Variants in SSH2 observed in about 807,000 individuals in gnomAD.
SSH2 encodes the protein protein phosphatase Slingshot homolog 2.
SSH2 carries 37 observed loss-of-function variants against 135.2 expected under a neutral mutation model. The ratio of observed to expected loss-of-function variants is 0.27; its 90% confidence interval spans 0.21 to 0.36. The LOEUF (loss-of-function observed/expected upper bound fraction) is 0.36, where lower values mean the gene tolerates loss of function less well. SSH2 is among the 10% of genes least tolerant of loss of function. The pLI is 1.00. For synonymous variants in SSH2, 628 were observed against 646.2 expected, an observed-to-expected ratio of 0.97 and a Z score of 0.43; for missense variants, 1,408 against 1,765.3, an observed-to-expected ratio of 0.80 and a Z score of 3.63.
rs1046713608 is a variant in SSH2 at position 29,690,933 on chromosome 17, C to A, written c.357+4526G>T. Among the ~76,000 whole-genome samples the A allele has an allele frequency of 3.3e-5, 5 of 151,518 alleles. No individual in the cohort carries two copies. In the East Asian group the frequency reaches 7.7e-4, roughly 23 times the overall value. On this transcript the variant is annotated intron_variant, in intron 5 of 15. Coordinates refer to ENST00000540801, the MANE Select transcript of SSH2 (RefSeq NM_001282129.2). ...CTCACTCTTTACACACACACACACA[C>A]AGACACACACACACACATAGACACA... is the stretch of plus-strand genomic sequence containing the variant.
At chr17:29,700,963 A>ATTTTTTTC (rs932006159) in intron 4 of SSH2, among the ~76,000 whole-genome samples, 1 of 145,714 alleles carries the variant, frequency 6.9e-6, no homozygotes, top group Non-Finnish European at 1.5e-5. Flanking sequence ...TAATTTTTGT[A>ATTTTTTTC]TTTTTTTCTT....
intron 1 of SSH2, among the ~76,000 whole-genome samples, chr17:29,859,610 A>G (rs1051596923): frequency 5.3e-5 from 8 of 152,178 alleles, no homozygotes; most frequent in Admixed American, 2.6e-4. Context: ...ATGTTCCTGC[A>G]AAGGACATAA....
intron 9 of SSH2, among the ~76,000 whole-genome samples, chr17:29,671,302 AC>A (rs1437123775): frequency 6.6e-6 from 1 of 152,112 alleles, no homozygotes; most frequent in African/African-American, 2.4e-5. Flanking sequence ...ACATAGTGAG[AC>A]CCTATCTCTA....
In SSH2 at chr17:29,627,592, A is replaced by G. The variant is rs2035535806; in HGVS notation, c.*3249T>C. 1 of 152,642 alleles carries G rather than the reference A, an allele frequency of 6.6e-6. No homozygotes were observed. Among genetic ancestry groups the G allele is most frequent in the East Asian group, 1.9e-4 (1 of 5,204 alleles). The allele number at this position is 152,642 out of a possible 1,614,324, so 9.5% of individuals were successfully genotyped here. A position where few individuals can be genotyped will look rare whatever the true frequency, so the allele number is the denominator to read the frequency against. ...CCATAACCCTGTCTCAAGCCTCCTCAGAACCAGGAAAATACTAAAGATCCT... is the reference window on the plus strand; with the variant it reads ...CCATAACCCTGTCTCAAGCCTCCTCGGAACCAGGAAAATACTAAAGATCCT... On this transcript the variant is annotated 3_prime_UTR_variant, in exon 16 of 16. Coordinates refer to ENST00000540801, the MANE Select transcript of SSH2 (RefSeq NM_001282129.2).
intron 1 of SSH2, among the ~76,000 whole-genome samples, chr17:29,907,342 G>C (rs958231194): frequency 2.0e-5 from 3 of 151,990 alleles, no homozygotes; most frequent in African/African-American, 7.3e-5. Flanking sequence ...ACACACACTG[G>C]GGCCTGTTGG....
intron 4 of SSH2, among the ~76,000 whole-genome samples, chr17:29,701,941 C>A (rs377216421): frequency 1.3e-5 from 2 of 148,670 alleles, no homozygotes; most frequent in African/African-American, 5.0e-5. Flanking sequence ...TTGCCCAGGC[C>A]GGTCTCAAAG....
chr17:29,661,442 C>T (rs1211897028), intron 11 of SSH2, among the ~76,000 whole-genome samples: 1 of 152,090 alleles, frequency 6.6e-6, no homozygotes, highest in Non-Finnish European at 1.5e-5. Flanking sequence ...GTAATCTGGC[C>T]GTTGAACTGG....
At chr17:29,789,719 G>A (rs1164201148) in intron 3 of SSH2, among the ~76,000 whole-genome samples, 1 of 152,196 alleles carries the variant, frequency 6.6e-6, no homozygotes, top group African/African-American at 2.4e-5. Flanking sequence ...GCCACCACAT[G>A]AAGCAATGAG....
At position 29,636,388 on chromosome 17, in the gene SSH2, G is replaced by C. The variant is rs758765686; in HGVS notation, c.1842C>G (p.Asn614Lys). The C allele has an allele frequency of 2.5e-6, 4 of 1,614,150 alleles. No individual in the cohort carries two copies. The highest frequency in any genetic ancestry group is 1.1e-5 in the South Asian group (1 of 91,078). ...CTTCCACTGTTAAGTCTGGAAACTT[G>C]TTGGCCATTTCTGGGACATGTCCAG... ...IQPGHVPEMA[N>K]KFPDLTVEDL... Residue 614 changes from asparagine (N) to lysine (K), a missense_variant, in exon 15 of 16, where the codon AAC becomes AAG. Asn to Lys is a moderately conservative substitution (Grantham distance 94, BLOSUM62 0). Coordinates refer to ENST00000540801, the MANE Select transcript of SSH2 (RefSeq NM_001282129.2).
intron 1 of SSH2, among the ~76,000 whole-genome samples, chr17:29,922,090 T>G: frequency 6.6e-6 from 1 of 150,706 alleles, no homozygotes; most frequent in African/African-American, 2.4e-5. Flanking sequence ...GAAGGATGAG[T>G]AGGAAATAGT....
At chr17:29,792,865 A>C (rs1461280531) in intron 3 of SSH2, among the ~76,000 whole-genome samples, 2 of 152,144 alleles carry the variant, frequency 1.3e-5, no homozygotes, top group Non-Finnish European at 2.9e-5. Flanking sequence ...TAGTGGAGAC[A>C]GGGTTTCACC....
chr17:29,801,438 G>A (rs2042249473), intron 2 of SSH2, among the ~76,000 whole-genome samples: 2 of 152,002 alleles, frequency 1.3e-5, no homozygotes, highest in South Asian at 2.1e-4. Flanking sequence ...TTCTCCAAAC[G>A]TACCTATTGA....
chr17:29,874,093 G>T (rs1164888329), intron 1 of SSH2, among the ~76,000 whole-genome samples: 1 of 152,120 alleles, frequency 6.6e-6, no homozygotes, highest in Admixed American at 6.5e-5. Context: ...AGGAGTTTGA[G>T]ACTAGCCTGG....
chr17:29,883,137 A>G (rs2066170343), intron 1 of SSH2: 2 of 152,214 alleles, frequency 1.3e-5, no homozygotes, highest in Admixed American at 1.3e-4. Context: ...GAAAAGAAAA[A>G]AGAAAAAAAA....
At chr17:29,646,727 C>T (rs1202168870) in intron 14 of SSH2, among the ~76,000 whole-genome samples, 1 of 151,602 alleles carries the variant, frequency 6.6e-6, no homozygotes, top group Non-Finnish European at 1.5e-5. Context: ...CTCAAACTCC[C>T]GACCTTGTGA....
chr17:29,869,010 T>C (rs2065900315), intron 1 of SSH2, among the ~76,000 whole-genome samples: 1 of 152,186 alleles, frequency 6.6e-6, no homozygotes, highest in South Asian at 2.1e-4. Context: ...CAAAAGATTC[T>C]AGCCATAAAA....
chr17:29,761,883 A>ATTT (rs1345354010), intron 3 of SSH2, among the ~76,000 whole-genome samples: 54 of 129,172 alleles, frequency 4.2e-4, no homozygotes, highest in Admixed American at 6.1e-4. Context: ...ATATATATAT[A>ATTT]TATATTTTTT....
intron 3 of SSH2, among the ~76,000 whole-genome samples, chr17:29,728,612 C>A (rs1336765000): frequency 6.6e-6 from 1 of 152,100 alleles, no homozygotes; most frequent in Non-Finnish European, 1.5e-5. Context: ...GCAAAAGGAA[C>A]AAAACCGGAG....
intron 2 of SSH2, among the ~76,000 whole-genome samples, chr17:29,818,184 C>T (rs1022667817): frequency 1.6e-4 from 24 of 149,900 alleles, no homozygotes; most frequent in African/African-American, 5.6e-4. Flanking sequence ...TATTGTATTG[C>T]TATTTTTTAA....
Sources: gnomAD v4.1 joint callset for allele counts (sites outside exome capture counted in the v4.1 genomes callset) on GRCh38, gnomAD v4.1.1 for gene constraint, MANE v1.5 for transcripts, NCBI Gene and HGNC (gene_info 2026-07-23, HGNC 2026-07-21) for gene names.